The following PCDH15 variants were observed in gnomAD, a reference collection of about 807,000 sequenced individuals.
PCDH15 encodes protocadherin related 15.
In PCDH15, 129 loss-of-function variants were observed where a neutral mutation model predicts 178.5. The ratio of observed to expected loss-of-function variants is 0.72; its 90% CI spans 0.63 to 0.84. The LOEUF (loss-of-function observed/expected upper bound fraction) is 0.84. PCDH15 is among the 40% of genes least tolerant of loss of function. The pLI, the probability that PCDH15 is intolerant of heterozygous loss-of-function variation, is 0.00. For synonymous variants in PCDH15, 800 were observed against 732.0 expected (o/e 1.09, Z -1.50); for missense variants, 2,230 against 2,099.9 (o/e 1.06, Z -1.21).
chr10:54,329,447 T>C, intron 7 of PCDH15, 149 bp downstream of exon 7: 1 of 623,386 alleles, frequency 1.6e-6, no homozygotes, highest in South Asian at 1.9e-5. Context: ...TCTCCATCTA[T>C]AAGAGTATTA....
At chr10:54,523,859 GA>G (rs552680270) in intron 3 of PCDH15, among the ~76,000 whole-genome samples, 44 of 152,102 alleles carry the variant, frequency 2.9e-4, no homozygotes, top group Non-Finnish European at 5.7e-4. Flanking sequence ...ATAAGGAATG[GA>G]AGAAATGAAA....
Position 55,547,910 on chromosome 10 carries a change from T to TGTGTGTGA in PCDH15, c.-156+79714_-156+79715insTCACACAC, listed in dbSNP as rs541144266. Among the ~76,000 whole-genome samples, 170 of 54,502 alleles carry TGTGTGTGA rather than the reference T, an allele frequency of 3.1e-3. 3 individuals carry two copies. The highest frequency in any genetic ancestry group is 0.023 in the Middle Eastern group (2 of 88). The allele number at this position is 54,502 out of a possible 152,430, so 35.8% of individuals were successfully genotyped here. On this transcript the variant is annotated intron_variant, in intron 2 of 5. Coordinates refer to the PCDH15 transcript ENST00000613346. ...TGGTGTGTGTGTCTGTGTGTGTGTG[T>TGTGTGTGA]GAGAGAGAGAGAGAGAGAGAGAGAG...
upstream of PCDH15, among the ~76,000 whole-genome samples, chr10:54,802,525 G>A (rs1257077713): frequency 6.6e-6 from 1 of 152,144 alleles, no homozygotes; most frequent in Non-Finnish European, 1.5e-5. Context: ...AGATCAGTGG[G>A]AGTCAATGAG....
chr10:55,375,917 T>C (rs1434686186), intron 2 of PCDH15, among the ~76,000 whole-genome samples: 3 of 152,022 alleles, frequency 2.0e-5, no homozygotes, highest in Non-Finnish European at 1.5e-5. Flanking sequence ...GTAAAAACTA[T>C]GTAATTTTTG....
chr10:55,329,388 T>C (rs1203062962), intron 2 of PCDH15, among the ~76,000 whole-genome samples: 1 of 151,714 alleles, frequency 6.6e-6, no homozygotes, highest in African/African-American at 2.4e-5. Context: ...AATAGAGTAA[T>C]GTCAATAGAT....
At chr10:55,403,475 A>G (rs549314365) in intron 2 of PCDH15, among the ~76,000 whole-genome samples, 2 of 151,678 alleles carry the variant, frequency 1.3e-5, no homozygotes, top group Non-Finnish European at 2.9e-5. Context: ...TCATCCCCTC[A>G]TGATTTTTTC....
intron 2 of PCDH15, among the ~76,000 whole-genome samples, chr10:55,440,412 GT>G (rs1179969147): frequency 1.3e-5 from 2 of 152,228 alleles, no homozygotes; most frequent in African/African-American, 4.8e-5. Context: ...TAATGAGGTA[GT>G]TATTGTGGAT....
intron 1 of PCDH15, among the ~76,000 whole-genome samples, chr10:55,201,396 A>G (rs1269330744): frequency 5.3e-5 from 8 of 152,144 alleles, no homozygotes; most frequent in Non-Finnish European, 1.2e-4. Context: ...GTTACTTGCA[A>G]TTGAGGGGGG....
chr10:55,206,378 T>C (rs1355426555), intron 1 of PCDH15, among the ~76,000 whole-genome samples: 1 of 152,122 alleles, frequency 6.6e-6, no homozygotes, highest in East Asian at 1.9e-4. Flanking sequence ...CCAAGTCTCT[T>C]TCCCATAAGT....
chr10:54,020,823 A>G (rs2092899388), intron 19 of PCDH15, among the ~76,000 whole-genome samples: 1 of 152,122 alleles, frequency 6.6e-6, no homozygotes, highest in Non-Finnish European at 1.5e-5. Flanking sequence ...GATAATCATG[A>G]ACAAATATTT....
At chr10:54,868,101 A>G (rs1953970471) in intron 3 of PCDH15, among the ~76,000 whole-genome samples, 3 of 152,170 alleles carry the variant, frequency 2.0e-5, no homozygotes, top group Non-Finnish European at 4.4e-5. Context: ...TTATTTGTCA[A>G]TTATATCTTA....
At chr10:54,219,806 T>C (rs1297069900) in intron 9 of PCDH15, among the ~76,000 whole-genome samples, 2 of 151,982 alleles carry the variant, frequency 1.3e-5, no homozygotes, top group Admixed American at 6.6e-5. Flanking sequence ...TGTTATACTT[T>C]TTATTTGTGC....
intron 2 of PCDH15, among the ~76,000 whole-genome samples, chr10:55,085,492 G>A (rs547231935): frequency 1.3e-5 from 2 of 151,820 alleles, no homozygotes; most frequent in Admixed American, 6.6e-5. Context: ...GAGTATAATT[G>A]GAATGTTTAT....
intron 2 of PCDH15, among the ~76,000 whole-genome samples, chr10:55,482,229 G>C (rs1840197529): frequency 6.6e-6 from 1 of 151,792 alleles, no homozygotes; most frequent in Non-Finnish European, 1.5e-5. Flanking sequence ...CATTGCATGA[G>C]AGATGGGTCT....
intron 3 of PCDH15, among the ~76,000 whole-genome samples, chr10:54,494,262 C>T (rs2079901666): frequency 6.6e-6 from 1 of 151,890 alleles, no homozygotes; most frequent in African/African-American, 2.4e-5. Context: ...AGAAACTCCC[C>T]CACCCTTTTG....
intron 3 of PCDH15, among the ~76,000 whole-genome samples, chr10:54,885,900 A>G (rs1954350501): frequency 6.6e-6 from 1 of 152,106 alleles, no homozygotes; most frequent in South Asian, 2.1e-4. Context: ...GGATGCACCC[A>G]GTTACGCTTT....
chr10:54,976,493 G>C (rs1839075033), intron 2 of PCDH15, among the ~76,000 whole-genome samples: 1 of 152,070 alleles, frequency 6.6e-6, no homozygotes, highest in African/African-American at 2.4e-5. Flanking sequence ...GATTGGTTGG[G>C]GATGGAATAC....
intron 2 of PCDH15, among the ~76,000 whole-genome samples, chr10:55,344,252 T>C (rs945897592): frequency 2.0e-5 from 3 of 152,120 alleles, no homozygotes; most frequent in Non-Finnish European, 4.4e-5. Flanking sequence ...ATCATTGTGA[T>C]TATCTTGGCT....
chr10:54,345,746 G>T (rs1305349588), intron 6 of PCDH15, among the ~76,000 whole-genome samples: 1 of 123,084 alleles, frequency 8.1e-6, no homozygotes, highest in African/African-American at 3.0e-5. Context: ...AGCTTCCAGT[G>T]AGCCAAGATC....
Sources: allele counts gnomAD v4.1 joint callset (sites outside exome capture counted in the v4.1 genomes callset), GRCh38; gene constraint gnomAD v4.1.1; transcripts MANE v1.5; gene names NCBI Gene and HGNC (gene_info 2026-07-23, HGNC 2026-07-21).